The following SCHIP1 variants were observed in gnomAD, a reference collection of about 807,000 sequenced individuals.
The protein encoded by SCHIP1 is schwannomin-interacting protein 1.
SCHIP1 carries 8 observed loss-of-function variants against 29.7 expected under a neutral mutation model. That is an observed-to-expected ratio of 0.27 (90% CI 0.16 to 0.49). The LOEUF is 0.49. SCHIP1 is among the 20% of genes least tolerant of loss of function. The pLI is 0.99. For synonymous variants in SCHIP1, 76 were observed against 94.9 expected (o/e 0.80, Z 1.16); for missense variants, 193 against 294.6 (o/e 0.66, Z 2.52).
the SCHIP1 span, among the ~76,000 whole-genome samples, chr3:159,728,562 T>C: frequency 1.8e-4 from 27 of 152,180 alleles, no homozygotes; most frequent in African/African-American, 6.3e-4. Context: ...CTGTCTCACA[T>C]TGGTTGGAGA....
the SCHIP1 span, among the ~76,000 whole-genome samples, chr3:159,540,093 C>T: frequency 2.6e-5 from 4 of 151,998 alleles, no homozygotes; most frequent in Non-Finnish European, 4.4e-5. Flanking sequence ...TCTCTCCCTT[C>T]GTCTCTTCTG....
At chr3:159,714,476 G>A in the SCHIP1 span, among the ~76,000 whole-genome samples, 4 of 152,270 alleles carry the variant, frequency 2.6e-5, no homozygotes, top group Non-Finnish European at 5.9e-5. Flanking sequence ...GCAAGAAGTC[G>A]GGGAATTCCC....
At chr3:159,893,128 T>C (rs1220623900) in intron 6 of SCHIP1, 1 of 152,030 alleles carries the variant, frequency 6.6e-6, no homozygotes, top group Non-Finnish European at 1.5e-5. Flanking sequence ...CAATGTGTAA[T>C]GCTGGGTAAA....
intron 2 of SCHIP1, among the ~76,000 whole-genome samples, chr3:159,868,180 C>CAT (rs982553176): frequency 6.6e-5 from 10 of 150,810 alleles, no homozygotes; most frequent in South Asian, 2.1e-4. Context: ...TGGATGTATA[C>CAT]ATATATATAT....
chr3:159,793,080 C>A, the SCHIP1 span, among the ~76,000 whole-genome samples: 1 of 152,112 alleles, frequency 6.6e-6, no homozygotes, highest in Admixed American at 6.5e-5. Context: ...CTGTAACTTA[C>A]CCTACTTTTG....
chr3:159,441,847 TTATTATTATTAC>T, the SCHIP1 span, among the ~76,000 whole-genome samples: 5 of 151,798 alleles, frequency 3.3e-5, no homozygotes, highest in Non-Finnish European at 7.4e-5. Context: ...AAGGATTCTA[TTATTATTATTAC>T]TATTATTATT....
chr3:159,283,359 G>A, the SCHIP1 span, among the ~76,000 whole-genome samples: 1 of 152,070 alleles, frequency 6.6e-6, no homozygotes, highest in Non-Finnish European at 1.5e-5. Context: ...CACCATGTTG[G>A]CCAGGCTGGT....
the SCHIP1 span, among the ~76,000 whole-genome samples, chr3:159,751,307 A>G: frequency 6.6e-6 from 1 of 152,248 alleles, no homozygotes. Context: ...AACAGAGACC[A>G]TATGACTCAC....
In SCHIP1 at chr3:159,885,345, A is replaced by G. The variant is rs528209524; in HGVS notation, c.150-862A>G. ...ATGCTAGGAAAACTACTTCTTTAAA[A>G]ATGCTTTATCACCAAACAGTATTGA... is the stretch of plus-strand genomic sequence containing the variant. On this transcript the variant is annotated intron_variant, in intron 2 of 6. Coordinates refer to ENST00000445224, the Ensembl canonical transcript of SCHIP1. 2.4e-4 allele frequency among the ~76,000 whole-genome samples: 36 copies of G among 152,344 alleles called. 1 individual carries two copies. Among genetic ancestry groups the G allele is most frequent in the Non-Finnish European group, 4.7e-4 (32 of 68,036 alleles).
the SCHIP1 span, chr3:159,765,258 G>T: frequency 2.5e-6 from 3 of 1,209,182 alleles, no homozygotes; most frequent in East Asian, 3.0e-5. Flanking sequence ...TTCCTCGAGG[G>T]TGGGGGCCAG....
At chr3:159,866,069 T>C (rs1403738325) in intron 1 of SCHIP1, 94 bp from the exon 3 acceptor site, 2 of 1,024,126 alleles carry the variant, frequency 2.0e-6, no homozygotes, top group African/African-American at 3.2e-5. Context: ...TTTCATCTAA[T>C]GTTACAGTTC....
At chr3:159,880,285 A>G (rs1716302293) in intron 2 of SCHIP1, among the ~76,000 whole-genome samples, 1 of 152,156 alleles carries the variant, frequency 6.6e-6, no homozygotes, top group South Asian at 2.1e-4. Flanking sequence ...ATTCCGCCCA[A>G]CCTCAGTTCA....
the SCHIP1 span, among the ~76,000 whole-genome samples, chr3:159,599,573 C>T: frequency 1.3e-5 from 2 of 152,110 alleles, no homozygotes; most frequent in Non-Finnish European, 2.9e-5. Context: ...GCTTCAAATG[C>T]CATTATTTTG....
At chr3:159,335,500 CAGT>C in the SCHIP1 span, among the ~76,000 whole-genome samples, 23 of 152,246 alleles carry the variant, frequency 1.5e-4, no homozygotes, top group African/African-American at 2.4e-4. Flanking sequence ...CACTCCCCCC[CAGT>C]CCACAACAGG....
chr3:159,377,757 G>A, the SCHIP1 span, among the ~76,000 whole-genome samples: 3 of 152,092 alleles, frequency 2.0e-5, no homozygotes, highest in Non-Finnish European at 4.4e-5. Flanking sequence ...TTTTAAAAGT[G>A]TCTTATTTAT....
chr3:159,875,394 A>G (rs1395529310), intron 2 of SCHIP1, among the ~76,000 whole-genome samples: 2 of 152,222 alleles, frequency 1.3e-5, no homozygotes, highest in African/African-American at 2.4e-5. Context: ...TGAGAATTCA[A>G]TTGCCTGAGC....
At chr3:159,830,124 G>C in the SCHIP1 span, among the ~76,000 whole-genome samples, 2 of 152,134 alleles carry the variant, frequency 1.3e-5, no homozygotes, top group East Asian at 3.9e-4. Context: ...GGATTCTTTC[G>C]ATGTGGCACA....
At chr3:159,848,401 A>G (rs567352516) in intron 1 of SCHIP1, among the ~76,000 whole-genome samples, 1 of 152,332 alleles carries the variant, frequency 6.6e-6, no homozygotes, top group Non-Finnish European at 1.5e-5. Flanking sequence ...TTTGCAAGCT[A>G]CTGGCAAACC....
chr3:159,595,138 G>C, the SCHIP1 span, among the ~76,000 whole-genome samples: 1 of 152,254 alleles, frequency 6.6e-6, no homozygotes, highest in Non-Finnish European at 1.5e-5. Flanking sequence ...CTGGTCCAGG[G>C]AGGGCAGACC....
Sources: gnomAD v4.1 joint callset for allele counts (sites outside exome capture counted in the v4.1 genomes callset) on GRCh38, gnomAD v4.1.1 for gene constraint, MANE v1.5 for transcripts, NCBI Gene and HGNC (gene_info 2026-07-23, HGNC 2026-07-21) for gene names.